ATRN: variants seen among roughly 807,000 people sequenced by gnomAD.
The protein encoded by ATRN is attractin-2.
ATRN carries 54 observed loss-of-function variants against 178.7 expected under a neutral mutation model. That is an observed-to-expected ratio of 0.30 (90% confidence interval 0.24 to 0.38). ATRN has a LOEUF of 0.38. ATRN is among the 10% of genes least tolerant of loss of function. The pLI, the probability that ATRN is intolerant of heterozygous loss-of-function variation, is 1.00. For synonymous variants in ATRN, 636 were observed against 663.0 expected (o/e 0.96, Z 0.63); for missense variants, 1,443 against 1,815.1 (o/e 0.79, Z 3.73).
At chr20:3,491,380 C>T (rs2084791839) in intron 1 of ATRN, among the ~76,000 whole-genome samples, 1 of 152,200 alleles carries the variant, frequency 6.6e-6, no homozygotes, top group South Asian at 2.1e-4. Flanking sequence ...CCTTGTCTTA[C>T]TAAACTTCAT....
In ATRN at chr20:3,584,583, A is replaced by G; in HGVS notation, c.2951-64A>G. On this transcript the variant is annotated intron_variant, in intron 17 of 28. Transcript: ENST00000262919. ...GCCAGTTGAATAGTCTGTTAAAAAA[A>G]AAGTAAATACAGTGAATTCAGATCT... is the stretch of plus-strand genomic sequence containing the variant. The G allele has an allele frequency of 4.1e-6, 5 of 1,214,412 alleles. No homozygotes were observed. The South Asian group carries it at 4.3e-5, about 10-fold the overall frequency. 75.2% of individuals were successfully genotyped at this position (1,214,412 alleles called of 1,614,324 possible). A position where few individuals can be genotyped will look rare whatever the true frequency, so the allele number is the denominator to read the frequency against.
intron 24 of ATRN, among the ~76,000 whole-genome samples, chr20:3,622,473 A>G (rs2086903933): frequency 1.3e-5 from 2 of 152,196 alleles, no homozygotes; most frequent in Admixed American, 1.3e-4. Flanking sequence ...TATGTTTGTT[A>G]ATCAAGTTTA....
At chr20:3,471,994 G>C (rs982296098) in intron 1 of ATRN, among the ~76,000 whole-genome samples, 5 of 152,170 alleles carry the variant, frequency 3.3e-5, no homozygotes, top group African/African-American at 1.2e-4. Flanking sequence ...TTTGTTGGCT[G>C]GAGATAAAAG....
chr20:3,519,006 T>TTAAAA (rs1555811110), intron 1 of ATRN, among the ~76,000 whole-genome samples: 3 of 119,494 alleles, frequency 2.5e-5, no homozygotes, highest in Non-Finnish European at 5.2e-5. Context: ...TCCTTATATA[T>TTAAAA]AAAAAAAAAA....
At chr20:3,517,731 A>C (rs1261648183) in intron 1 of ATRN, among the ~76,000 whole-genome samples, 1 of 151,728 alleles carries the variant, frequency 6.6e-6, no homozygotes, top group African/African-American at 2.4e-5. Context: ...ACACGGTGCC[A>C]CTGCACTCCA....
intron 6 of ATRN, among the ~76,000 whole-genome samples, chr20:3,556,695 T>G (rs1372006866): frequency 1.3e-5 from 2 of 152,232 alleles, no homozygotes; most frequent in Admixed American, 6.5e-5. Flanking sequence ...TCCCAGAAGG[T>G]GCATTTATCT....
At chr20:3,490,097 C>T in intron 1 of ATRN, 5 of 1,403,278 alleles carry the variant, frequency 3.6e-6, no homozygotes, top group Non-Finnish European at 5.0e-6. Context: ...GCTTGGTGCC[C>T]TTTGATTTGG....
intron 11 of ATRN, among the ~76,000 whole-genome samples, chr20:3,565,945 G>A (rs1032982043): frequency 2.0e-5 from 3 of 152,082 alleles, no homozygotes; most frequent in Admixed American, 2.0e-4. Flanking sequence ...TGATGTGGAG[G>A]TGAATTACTT....
At position 3,604,021 on chromosome 20, in the gene ATRN, CCTT is replaced by C. The variant is rs113351042; in HGVS notation, c.3644-83_3644-81del. 2.8e-5 allele frequency: 33 copies of C among 1,163,696 alleles called. No homozygotes were observed. In the African/African-American group the frequency reaches 3.7e-4, roughly 13 times the overall value. The allele number at this position is 1,163,696 out of a possible 1,614,324, so 72.1% of individuals were successfully genotyped here. Reference sequence around the variant, plus strand: ...GGAAATGTTTGATAAATGCTATTGTCCTTATTATTAATGAGGCCAGATTCTGTT... The same window carrying C: ...GGAAATGTTTGATAAATGCTATTGTCATTATTAATGAGGCCAGATTCTGTT... On this transcript the variant is annotated intron_variant, in intron 23 of 28. Coordinates refer to ENST00000262919, the MANE Select transcript of ATRN (RefSeq NM_139321.3).
At chr20:3,548,775 A>C (rs572759160) in intron 5 of ATRN, among the ~76,000 whole-genome samples, 1 of 152,218 alleles carries the variant, frequency 6.6e-6, no homozygotes, top group African/African-American at 2.4e-5. Context: ...TATATTAGGG[A>C]CCTTGAGCAT....
chr20:3,610,024 T>G (rs1223349636), intron 24 of ATRN, among the ~76,000 whole-genome samples: 1 of 152,182 alleles, frequency 6.6e-6, no homozygotes, highest in Non-Finnish European at 1.5e-5. Context: ...ATGAAAAAGC[T>G]TTGGAAGTAG....
chr20:3,583,566 T>C (rs1311224447), intron 16 of ATRN, among the ~76,000 whole-genome samples: 1 of 152,170 alleles, frequency 6.6e-6, no homozygotes, highest in Admixed American at 6.5e-5. Flanking sequence ...CCCAGCACTT[T>C]AGGAGGCCAA....
At chr20:3,578,526 A>G in intron 14 of ATRN, 56 bp from the exon 15 acceptor site, 1 of 1,458,370 alleles carries the variant, frequency 6.9e-7, no homozygotes, top group Non-Finnish European at 9.3e-7. Flanking sequence ...CTCATAATAC[A>G]GTAGTTTTGT....
intron 6 of ATRN, among the ~76,000 whole-genome samples, chr20:3,556,184 T>G: frequency 6.6e-6 from 1 of 152,154 alleles, no homozygotes; most frequent in East Asian, 1.9e-4. Flanking sequence ...GGTGATCAAA[T>G]AGAACTATAA....
At chr20:3,553,968 G>A (rs2085825370) in intron 6 of ATRN, among the ~76,000 whole-genome samples, 1 of 152,116 alleles carries the variant, frequency 6.6e-6, no homozygotes, top group African/African-American at 2.4e-5. Context: ...TCAAGGTTAG[G>A]GACCTTGTTT....
At chr20:3,594,454 C>T (rs1451395226) in intron 19 of ATRN, 25 bp from the exon 20 acceptor site, 19 of 1,573,808 alleles carry the variant, frequency 1.2e-5, no homozygotes, top group African/African-American at 4.0e-5. Flanking sequence ...CAGTTGTGAC[C>T]TCTGTTCCTT....
At chr20:3,498,626 TCAA>T (rs2084913545) in intron 1 of ATRN, among the ~76,000 whole-genome samples, 1 of 152,160 alleles carries the variant, frequency 6.6e-6, no homozygotes. Flanking sequence ...TTGACAAAAT[TCAA>T]CAGCTCTTCA....
chr20:3,553,555 C>T (rs1203004255), intron 6 of ATRN, among the ~76,000 whole-genome samples: 1 of 152,126 alleles, frequency 6.6e-6, no homozygotes, highest in Non-Finnish European at 1.5e-5. Flanking sequence ...TCTTAAAACC[C>T]ATCAGTGTCT....
At chr20:3,602,880 T>A (rs2086629032) in intron 23 of ATRN, among the ~76,000 whole-genome samples, 1 of 146,524 alleles carries the variant, frequency 6.8e-6, no homozygotes, top group Non-Finnish European at 1.5e-5. Context: ...GGAGAATTGC[T>A]TGAACCTGGG....
Sources: gnomAD v4.1 joint callset for allele counts (sites outside exome capture counted in the v4.1 genomes callset) on GRCh38, gnomAD v4.1.1 for gene constraint, MANE v1.5 for transcripts, NCBI Gene and HGNC (gene_info 2026-07-23, HGNC 2026-07-21) for gene names.